Variants in VAV2 observed in about 807,000 individuals in gnomAD.
VAV2 encodes the protein guanine nucleotide exchange factor VAV2.
In VAV2, 67 loss-of-function variants were observed where a neutral mutation model predicts 132.5. That is an observed-to-expected ratio of 0.51 (90% confidence interval 0.42 to 0.62). VAV2 has a LOEUF of 0.62. Ranked by LOEUF, VAV2 falls within the 20% of genes least tolerant of loss-of-function variation. VAV2 has a pLI of 0.00. For synonymous variants in VAV2, 492 were observed against 443.5 expected, an observed-to-expected ratio of 1.11 and a Z score of -1.37; for missense variants, 938 against 1,153.6, an observed-to-expected ratio of 0.81 and a Z score of 2.71.
chr9:133,843,027 A>T (rs1836786836), intron 3 of VAV2, among the ~76,000 whole-genome samples: 1 of 152,222 alleles, frequency 6.6e-6, no homozygotes, highest in Non-Finnish European at 1.5e-5. Context: ...CCTGCTAAAC[A>T]GCTCCAACTG....
At chr9:133,842,978 C>A (rs1278157746) in intron 3 of VAV2, among the ~76,000 whole-genome samples, 1 of 152,206 alleles carries the variant, frequency 6.6e-6, no homozygotes, top group Admixed American at 6.5e-5. Flanking sequence ...GGCAGGGAGG[C>A]CTTGAAGCAC....
At chr9:133,959,206 G>A (rs928229532) in intron 1 of VAV2, among the ~76,000 whole-genome samples, 3 of 152,196 alleles carry the variant, frequency 2.0e-5, no homozygotes, top group African/African-American at 7.2e-5. Context: ...CCAGGCTGCA[G>A]GAGAGATGCT....
chr9:133,810,786 C>T (rs1201103885), intron 5 of VAV2, among the ~76,000 whole-genome samples: 1 of 152,230 alleles, frequency 6.6e-6, no homozygotes, highest in Admixed American at 6.5e-5. Context: ...AGCACCCACT[C>T]TCACCAGGCA....
At chr9:133,909,940 T>A (rs2789827) in intron 2 of VAV2, among the ~76,000 whole-genome samples, 145,695 of 152,216 alleles carry the variant, frequency 0.96, 69,951 homozygotes, top group Non-Finnish European at 1. Flanking sequence ...GGGCCTCCCA[T>A]CCTCCATCCT....
In VAV2 at chr9:133,928,489, T is replaced by G. The variant is rs574220021; in HGVS notation, c.321+10614A>C. Among the ~76,000 whole-genome samples, 1 of 152,318 alleles carries G rather than the reference T, an allele frequency of 6.6e-6. No individual in the cohort carries two copies. The highest frequency in any genetic ancestry group is 2.1e-4 in the South Asian group (1 of 4,822). On this transcript the variant is annotated intron_variant, in intron 2 of 29. Coordinates refer to ENST00000371850, the MANE Select transcript of VAV2 (RefSeq NM_001134398.2). The surrounding 1 kb of genome is among the most constrained non-coding windows in gnomAD (Gnocchi z 5.4). ...TGCTACAAAGACTAGCACGTCTCAC[T>G]GCCAGCATTAAGGCAGGGAGTGCAA...
At position 133,953,843 on chromosome 9, in the gene VAV2, C is replaced by T. The variant is rs111419118; in HGVS notation, c.205-14624G>A. Among the ~76,000 whole-genome samples, 1,387 of 152,314 alleles carry T rather than the reference C, an allele frequency of 9.1e-3. 18 individuals carry two copies. The highest frequency in any genetic ancestry group is 0.012 in the Non-Finnish European group (811 of 68,018). ...TGCCTCCCTGTCTCCAAAGAAGGCA[C>T]CTGGCCCGAGTACCCCAAAACCAAG... On this transcript the variant is annotated intron_variant, in intron 1 of 29. Coordinates refer to ENST00000371850, the MANE Select transcript of VAV2 (RefSeq NM_001134398.2).
chr9:133,777,582 G>T, intron 22 of VAV2, 119 bp from the exon 23 acceptor site: 1 of 1,016,906 alleles, frequency 9.8e-7, no homozygotes, highest in Non-Finnish European at 1.5e-6. Context: ...GAGAGCCAAT[G>T]TCTTCTTTCC....
At chr9:133,872,420 C>T (rs1838093266) in intron 2 of VAV2, among the ~76,000 whole-genome samples, 1 of 152,218 alleles carries the variant, frequency 6.6e-6, no homozygotes, top group South Asian at 2.1e-4. Context: ...TGATGGCGTC[C>T]TCACTCCGCG....
intron 1 of VAV2, among the ~76,000 whole-genome samples, chr9:133,977,165 G>A (rs1003394621): frequency 6.6e-6 from 1 of 152,194 alleles, no homozygotes. Context: ...AAACCAAGAG[G>A]GACTTCAGGC....
chr9:133,832,572 A>C (rs111510204), intron 4 of VAV2, among the ~76,000 whole-genome samples: 23 of 146,592 alleles, frequency 1.6e-4, no homozygotes, highest in African/African-American at 5.1e-4. Flanking sequence ...TTTTTTTTTT[A>C]CCCCAGACGG....
At chr9:133,825,385 G>A (rs1367396567) in intron 4 of VAV2, among the ~76,000 whole-genome samples, 1 of 152,148 alleles carries the variant, frequency 6.6e-6, no homozygotes, top group Admixed American at 6.5e-5. Context: ...TTCAGACCAG[G>A]GCAGGCTTTG....
chr9:133,790,703 G>A (rs1265831975), intron 13 of VAV2, among the ~76,000 whole-genome samples: 1 of 152,096 alleles, frequency 6.6e-6, no homozygotes, highest in Non-Finnish European at 1.5e-5. Flanking sequence ...AAAGATGAAG[G>A]GGGCAGTATC....
chr9:133,945,640 A>C (rs1821878441), intron 1 of VAV2, among the ~76,000 whole-genome samples: 1 of 152,218 alleles, frequency 6.6e-6, no homozygotes, highest in African/African-American at 2.4e-5. Flanking sequence ...CCTCAGTCCC[A>C]GGAGTGGCAC....
intron 1 of VAV2, among the ~76,000 whole-genome samples, chr9:133,970,996 T>C (rs1842313532): frequency 6.6e-6 from 1 of 152,226 alleles, no homozygotes; most frequent in Non-Finnish European, 1.5e-5. Context: ...AATTCTATCT[T>C]TTCCTTTTTG....
At chr9:133,796,991 C>T (rs1240313209) in intron 10 of VAV2, among the ~76,000 whole-genome samples, 1 of 152,222 alleles carries the variant, frequency 6.6e-6, no homozygotes, top group African/African-American at 2.4e-5. Context: ...AGGGCATTCC[C>T]CCATTCATTG....
chr9:133,918,328 G>A lies in VAV2; in HGVS notation c.321+20775C>T, dbSNP rs559664044. On this transcript the variant is annotated intron_variant, in intron 2 of 29. Coordinates refer to ENST00000371850, the MANE Select transcript of VAV2 (RefSeq NM_001134398.2). This position sits in a 1 kb window ranked among gnomAD's most constrained non-coding sequence, Gnocchi z 4.7. ...AGAGCAGGAAGGCGGCGCTGGCTCC[G>A]AGCCTTGTGTCTGCATTTCCCGCAC... is the stretch of plus-strand genomic sequence containing the variant. Among the ~76,000 whole-genome samples the A allele has an allele frequency of 1.3e-5, 2 of 148,644 alleles. No individual in the cohort carries two copies. Among genetic ancestry groups the A allele is most frequent in the African/African-American group, 2.6e-5 (1 of 38,908 alleles).
rs1223185331 is a variant in VAV2 at position 133,992,023 on chromosome 9, G to T, written c.204+52C>A. ...GACCTCCGCGTTCAGTCCGCGCGTC[G>T]GGCAGCGCGAACGCCGCCTCCCCGG... On this transcript the variant is annotated intron_variant, in intron 1 of 29. Transcript: ENST00000371850. The surrounding 1 kb of genome is among the most constrained non-coding windows in gnomAD (Gnocchi z 5.5). 17 of 1,418,244 alleles carry T rather than the reference G, an allele frequency of 1.2e-5. No homozygotes were observed. The East Asian group carries it at 4.1e-4, about 34-fold the overall frequency. The allele number at this position is 1,418,244 out of a possible 1,614,324, so 87.9% of individuals were successfully genotyped here.
intron 4 of VAV2, among the ~76,000 whole-genome samples, chr9:133,821,499 A>T (rs1033011979): frequency 2.6e-5 from 4 of 152,230 alleles, no homozygotes; most frequent in Admixed American, 1.3e-4. Context: ...GTACAAGACC[A>T]GTAGAGGCTG....
chr9:133,768,706 C>G lies in VAV2; in HGVS notation c.2435-110G>C. ...CTCCCCTGGTGCCCAGAACCCTGCT[C>G]TGTACCCAGAGAGGAAGGATGTCAA... is the stretch of plus-strand genomic sequence containing the variant. On this transcript the variant is annotated intron_variant, in intron 28 of 29. Transcript: ENST00000371850. This position sits in a 1 kb window ranked among gnomAD's most constrained non-coding sequence, Gnocchi z 5.3. 1.5e-6 allele frequency: 2 copies of G among 1,355,248 alleles called. No individual in the cohort carries two copies. Among genetic ancestry groups the G allele is most frequent in the Non-Finnish European group, 2.0e-6 (2 of 1,011,052 alleles). The allele number at this position is 1,355,248 out of a possible 1,614,324, so 84.0% of individuals were successfully genotyped here.
Sources: allele counts gnomAD v4.1 joint callset (sites outside exome capture counted in the v4.1 genomes callset), GRCh38; gene constraint gnomAD v4.1.1; non-coding constraint Gnocchi (gnomAD v3.1); transcripts MANE v1.5; gene names NCBI Gene and HGNC (gene_info 2026-07-23, HGNC 2026-07-21).